The following ENTREP2 variants were observed in gnomAD, a reference collection of about 807,000 sequenced individuals.
ENTREP2 encodes the protein protein ENTREP2.
the ENTREP2 span, among the ~76,000 whole-genome samples, chr15:29,143,120 C>T: frequency 1.3e-5 from 2 of 152,166 alleles, no homozygotes; most frequent in East Asian, 1.9e-4. Flanking sequence ...ATGGGAGTTT[C>T]AGGTTCTTTG....
At chr15:29,155,905 C>A in the ENTREP2 span, among the ~76,000 whole-genome samples, 1 of 152,024 alleles carries the variant, frequency 6.6e-6, no homozygotes, top group Non-Finnish European at 1.5e-5. Flanking sequence ...TTTTTGTTTG[C>A]GTTTTCTAAT....
chr15:29,292,569 TG>T, the ENTREP2 span, among the ~76,000 whole-genome samples: 5 of 152,098 alleles, frequency 3.3e-5, no homozygotes, highest in African/African-American at 1.2e-4. Context: ...TTAGTAGAGA[TG>T]GGGTTTCACC....
chr15:29,268,736 A>C, the ENTREP2 span: 5,759 of 1,535,708 alleles, frequency 3.8e-3, 189 homozygotes, highest in African/African-American at 0.069. Flanking sequence ...CAATCCTCTA[A>C]ACTGTGCCTT....
chr15:29,329,289 G>A, the ENTREP2 span, among the ~76,000 whole-genome samples: 1 of 151,934 alleles, frequency 6.6e-6, no homozygotes, highest in Admixed American at 6.6e-5. Flanking sequence ...TGTGAACCCA[G>A]GAGGCGGAGG....
chr15:29,655,765 C>T, the ENTREP2 span, among the ~76,000 whole-genome samples: 8 of 152,252 alleles, frequency 5.3e-5, no homozygotes, highest in Admixed American at 2.6e-4. Flanking sequence ...GTGGCCCACA[C>T]CTGTAATCCC....
the ENTREP2 span, among the ~76,000 whole-genome samples, chr15:29,454,851 T>C: frequency 6.6e-6 from 1 of 152,316 alleles, no homozygotes; most frequent in African/African-American, 2.4e-5. Flanking sequence ...TAATACACAT[T>C]CGTTGCTGTA....
At chr15:29,155,105 AC>A in the ENTREP2 span, among the ~76,000 whole-genome samples, 3 of 146,672 alleles carry the variant, frequency 2.0e-5, no homozygotes, top group African/African-American at 7.3e-5. Flanking sequence ...ACACGGTGAA[AC>A]CCCGTCTCTA....
the ENTREP2 span, among the ~76,000 whole-genome samples, chr15:29,333,018 T>C: frequency 2.0e-5 from 3 of 149,146 alleles, no homozygotes; most frequent in Admixed American, 2.0e-4. Context: ...CTTTCTAAAG[T>C]GCATTCTAAT....
chr15:29,664,438 TTCTC>T, the ENTREP2 span, among the ~76,000 whole-genome samples: 5 of 151,470 alleles, frequency 3.3e-5, no homozygotes, highest in South Asian at 2.1e-4. Context: ...CTCTTTATTT[TTCTC>T]TCTCTCTTTT....
At chr15:29,500,101 A>G in the ENTREP2 span, among the ~76,000 whole-genome samples, 91 of 152,322 alleles carry the variant, frequency 6.0e-4, no homozygotes, top group Middle Eastern at 3.4e-3. Context: ...AAATACCTGA[A>G]GCAAAAAATT....
At chr15:29,533,773 T>C in the ENTREP2 span, among the ~76,000 whole-genome samples, 2 of 152,026 alleles carry the variant, frequency 1.3e-5, no homozygotes, top group African/African-American at 2.4e-5. Flanking sequence ...ATTTCTCCCC[T>C]GTAGAAAGGG....
At chr15:29,143,223 A>C in the ENTREP2 span, among the ~76,000 whole-genome samples, 1 of 152,258 alleles carries the variant, frequency 6.6e-6, no homozygotes, top group Non-Finnish European at 1.5e-5. Flanking sequence ...TGAATGAATG[A>C]GTGAGCAAAG....
At chr15:29,673,884 T>C in the ENTREP2 span, among the ~76,000 whole-genome samples, 1 of 151,134 alleles carries the variant, frequency 6.6e-6, no homozygotes, top group Non-Finnish European at 1.5e-5. Context: ...GTTATAATTT[T>C]GCAAAGGCAG....
At chr15:29,222,116 G>A in the ENTREP2 span, among the ~76,000 whole-genome samples, 32 of 152,088 alleles carry the variant, frequency 2.1e-4, no homozygotes, top group South Asian at 1.5e-3. Context: ...GAGGTAGGAG[G>A]TCAGCACAAG....
At chr15:29,195,164 A>G in the ENTREP2 span, 1 of 984,952 alleles carries the variant, frequency 1.0e-6, no homozygotes, top group Non-Finnish European at 1.2e-6. Context: ...GATTCCTCCA[A>G]CCCCGCTGCA....
the ENTREP2 span, among the ~76,000 whole-genome samples, chr15:29,224,014 T>G: frequency 6.6e-6 from 1 of 152,208 alleles, no homozygotes. Context: ...GGGTTCTTGG[T>G]CGCACTGACT....
the ENTREP2 span, among the ~76,000 whole-genome samples, chr15:29,336,560 C>T: frequency 6.6e-6 from 1 of 152,190 alleles, no homozygotes; most frequent in Non-Finnish European, 1.5e-5. Context: ...ATCCTCCTGC[C>T]TCAGCCTCCC....
chr15:29,617,319 A>G, the ENTREP2 span, among the ~76,000 whole-genome samples: 1 of 152,164 alleles, frequency 6.6e-6, no homozygotes, highest in African/African-American at 2.4e-5. Context: ...GATCCAGAAA[A>G]GAGAGAGAGA....
the ENTREP2 span, among the ~76,000 whole-genome samples, chr15:29,273,072 G>A: frequency 4.6e-5 from 7 of 152,140 alleles, no homozygotes; most frequent in Admixed American, 4.6e-4. Context: ...GAGCGGGTGA[G>A]GGTTTCCAAG....
Sources: gnomAD v4.1 joint callset for allele counts (sites outside exome capture counted in the v4.1 genomes callset) on GRCh38, gnomAD v4.1.1 for gene constraint, MANE v1.5 for transcripts, NCBI Gene and HGNC (gene_info 2026-07-23, HGNC 2026-07-21) for gene names.